L2HGDH: variants seen among roughly 807,000 people sequenced by gnomAD.
L2HGDH encodes the protein L-2-hydroxyglutarate dehydrogenase.
In L2HGDH, 34 loss-of-function variants were observed where a neutral mutation model predicts 51.5. That is an observed-to-expected ratio of 0.66 (90% CI 0.50 to 0.88). The LOEUF (loss-of-function observed/expected upper bound fraction) is 0.88, where lower values mean the gene tolerates loss of function less well. Among genes scored for constraint, L2HGDH ranks in the 40% least tolerant of loss-of-function variants. The pLI, the probability that L2HGDH is intolerant of heterozygous loss-of-function variation, is 0.00. For missense variants in L2HGDH, 558 were observed against 571.9 expected (o/e 0.98, Z 0.25); for synonymous variants, 198 against 197.9 (o/e 1.00, Z -0.01).
intron 9 of L2HGDH, among the ~76,000 whole-genome samples, chr14:50,249,298 G>A (rs1258142786): frequency 6.6e-6 from 1 of 152,190 alleles, no homozygotes; most frequent in South Asian, 2.1e-4. Flanking sequence ...AGTGGACTAG[G>A]GTGGCATGTG....
chr14:50,309,163 C>T lies in L2HGDH; in HGVS notation c.140+2848G>A, dbSNP rs149728908. On this transcript the variant is annotated intron_variant, in intron 1 of 9. Coordinates refer to ENST00000267436, the MANE Select transcript of L2HGDH (RefSeq NM_024884.3). ...CAAAAGTTTTTCATTTTGATGAAGT[C>T]CATTTTGTCAATTTTTTTCTTTTAG... 8.2e-4 allele frequency among the ~76,000 whole-genome samples: 125 copies of T among 152,244 alleles called. 1 individual carries two copies. The highest frequency in any genetic ancestry group is 2.9e-3 in the African/African-American group (122 of 41,548).
chr14:50,296,086 T>C (rs2030027322), intron 3 of L2HGDH, among the ~76,000 whole-genome samples: 1 of 151,972 alleles, frequency 6.6e-6, no homozygotes, highest in African/African-American at 2.4e-5. Context: ...TTAAAAATTA[T>C]AAGGGCCAGG....
At chr14:50,273,587 C>A (rs1595097006) in intron 6 of L2HGDH, among the ~76,000 whole-genome samples, 1 of 151,308 alleles carries the variant, frequency 6.6e-6, no homozygotes, top group Non-Finnish European at 1.5e-5. Flanking sequence ...AAAGCACAGG[C>A]AACAAAAGCA....
chr14:50,308,579 T>C (rs1181614880), intron 1 of L2HGDH, among the ~76,000 whole-genome samples: 1 of 152,168 alleles, frequency 6.6e-6, no homozygotes, highest in Non-Finnish European at 1.5e-5. Context: ...TCTATCAGAA[T>C]GGCTAAAATT....
intron 2 of L2HGDH, 29 bp downstream of exon 2, chr14:50,302,873 C>G: frequency 6.9e-7 from 1 of 1,454,752 alleles, no homozygotes; most frequent in Non-Finnish European, 9.7e-7. Flanking sequence ...CCAAGTAAGC[C>G]CAAAGAACAA....
At chr14:50,277,808 AAT>A (rs1890057210) in intron 6 of L2HGDH, among the ~76,000 whole-genome samples, 1 of 147,404 alleles carries the variant, frequency 6.8e-6, no homozygotes. Flanking sequence ...TAATAATAAT[AAT>A]AATAATAATA....
intron 6 of L2HGDH, among the ~76,000 whole-genome samples, chr14:50,278,198 C>T (rs1439601086): frequency 3.9e-5 from 6 of 152,112 alleles, no homozygotes; most frequent in Non-Finnish European, 7.4e-5. Flanking sequence ...CTCCCTCTTC[C>T]GAAGTCTTCT....
chr14:50,252,029 G>C (rs1400253472), intron 9 of L2HGDH, among the ~76,000 whole-genome samples: 1 of 151,254 alleles, frequency 6.6e-6, no homozygotes, highest in Non-Finnish European at 1.5e-5. Context: ...AAGATTAAAT[G>C]ATGAACCAAT....
At chr14:50,264,021 C>T (rs901782024) in intron 9 of L2HGDH, among the ~76,000 whole-genome samples, 2 of 151,176 alleles carry the variant, frequency 1.3e-5, no homozygotes, top group Admixed American at 1.3e-4. Flanking sequence ...GTGATCCACC[C>T]GCCTCAGCCT....
chr14:50,253,627 G>A (rs1253560899), intron 9 of L2HGDH, among the ~76,000 whole-genome samples: 3 of 152,086 alleles, frequency 2.0e-5, no homozygotes, highest in African/African-American at 7.2e-5. Flanking sequence ...ATAGTTTGGA[G>A]GCTCCTCAAA....
chr14:50,297,346 T>C (rs1236898454), intron 3 of L2HGDH, among the ~76,000 whole-genome samples: 1 of 150,518 alleles, frequency 6.6e-6, no homozygotes, highest in Non-Finnish European at 1.5e-5. Flanking sequence ...TGATCCTGCA[T>C]ATAGTAAAGC....
rs537426641 is a variant in L2HGDH at position 50,301,005 on chromosome 14, T to G, written c.408+1012A>C. ...GCACCCGGCTAACTTTTTAAATTTT[T>G]TGTAGAGATAGGGTCTCACTATGTT... On this transcript the variant is annotated intron_variant, in intron 3 of 9. Transcript: ENST00000267436. 6.6e-5 allele frequency among the ~76,000 whole-genome samples: 10 copies of G among 152,212 alleles called. No homozygotes were observed. The East Asian group carries it at 1.9e-3, about 29-fold the overall frequency.
intron 9 of L2HGDH, among the ~76,000 whole-genome samples, chr14:50,262,182 C>G (rs1889066082): frequency 6.6e-6 from 1 of 152,060 alleles, no homozygotes; most frequent in Non-Finnish European, 1.5e-5. Flanking sequence ...CCCTGTAATC[C>G]CAGCACTTTG....
Position 50,262,385 on chromosome 14 carries a change from G to A in L2HGDH, c.1196+2973C>T, listed in dbSNP as rs189752766. The stretch of plus-strand genomic sequence containing the variant: ...TCGGAGGTTGTAGTAAGCCGACATT[G>A]TACCACTGCACTCCAGCCTAGCAAC... On this transcript the variant is annotated intron_variant, in intron 9 of 9. Coordinates refer to ENST00000267436, the MANE Select transcript of L2HGDH (RefSeq NM_024884.3). 2.3e-3 allele frequency among the ~76,000 whole-genome samples: 337 copies of A among 146,430 alleles called. 1 individual carries two copies. The highest frequency in any genetic ancestry group is 4.0e-3 in the Non-Finnish European group (269 of 67,276).
At chr14:50,303,038 TAAAGTA>T in intron 1 of L2HGDH, 21 bp from the exon 2 acceptor site, 1 of 1,464,322 alleles carries the variant, frequency 6.8e-7, no homozygotes, top group Non-Finnish European at 9.6e-7. Flanking sequence ...AAGTCATCTT[TAAAGTA>T]ATTCATATTT....
intron 9 of L2HGDH, among the ~76,000 whole-genome samples, chr14:50,258,648 G>T (rs1401526273): frequency 6.6e-6 from 1 of 151,802 alleles, no homozygotes; most frequent in Non-Finnish European, 1.5e-5. Context: ...AGAGTAGGTG[G>T]GACTACAGGA....
chr14:50,259,829 T>TA (rs201522974), intron 9 of L2HGDH, among the ~76,000 whole-genome samples: 83 of 148,270 alleles, frequency 5.6e-4, no homozygotes, highest in African/African-American at 1.3e-3. Context: ...GCGAGACTCT[T>TA]AAAAAAAAAA....
chr14:50,270,385 C>G (rs185806614), intron 6 of L2HGDH, among the ~76,000 whole-genome samples: 3 of 152,324 alleles, frequency 2.0e-5, no homozygotes, highest in Non-Finnish European at 2.9e-5. Flanking sequence ...GAGTAAACAC[C>G]TAGCAATTCT....
intron 1 of L2HGDH, among the ~76,000 whole-genome samples, chr14:50,307,682 T>G (rs907365561): frequency 6.6e-6 from 1 of 152,226 alleles, no homozygotes; most frequent in African/African-American, 2.4e-5. Flanking sequence ...AAATCTTGCT[T>G]CTTCTATACT....
Sources: allele counts gnomAD v4.1 joint callset (sites outside exome capture counted in the v4.1 genomes callset), GRCh38; gene constraint gnomAD v4.1.1; transcripts MANE v1.5; gene names NCBI Gene and HGNC (gene_info 2026-07-23, HGNC 2026-07-21).